The following MAD1L1 variants were observed in gnomAD, a reference collection of about 807,000 sequenced individuals.
The protein encoded by MAD1L1 is mitotic arrest deficient 1 like 1, also known as mitotic spindle assembly checkpoint protein MAD1.
A neutral mutation model predicts 96.9 loss-of-function variants in MAD1L1; 95 were observed. The observed-to-expected ratio is 0.98, with a 90% CI of 0.83 to 1.16. The LOEUF is 1.16. MAD1L1 is among the 50% of genes most tolerant of loss of function. The pLI is 0.00. For missense variants in MAD1L1, 1,007 were observed against 954.4 expected (o/e 1.06, Z -0.73); for synonymous variants, 473 against 396.6 (o/e 1.19, Z -2.29).
intron 13 of MAD1L1, among the ~76,000 whole-genome samples, chr7:2,006,886 A>C (rs1356821535): frequency 6.6e-6 from 1 of 151,690 alleles, no homozygotes; most frequent in Non-Finnish European, 1.5e-5. Context: ...GCACAGACAC[A>C]CCCCCCACCT....
At chr7:1,928,015 G>A (rs886875467) in intron 17 of MAD1L1, among the ~76,000 whole-genome samples, 14 of 152,192 alleles carry the variant, frequency 9.2e-5, no homozygotes, top group Non-Finnish European at 1.5e-4. Flanking sequence ...CCAGACAGTG[G>A]AGAGCCACCA....
intron 16 of MAD1L1, 27 bp downstream of exon 16, chr7:1,957,602 C>T: frequency 1.2e-6 from 2 of 1,610,784 alleles, no homozygotes; most frequent in Non-Finnish European, 1.7e-6. Flanking sequence ...CAGGCAGTGC[C>T]TCACCCAGAG....
In MAD1L1 at chr7:2,112,332, A is replaced by C. The variant is rs568041113; in HGVS notation, c.1073+36820T>G. On this transcript the variant is annotated intron_variant, in intron 11 of 18. Transcript: ENST00000265854. The stretch of plus-strand genomic sequence containing the variant: ...TAATCAACCAGAATGAAAAAGACTC[A>C]AAATGAAACACCAGCTCTAAGCGGT... Among the ~76,000 whole-genome samples the C allele has an allele frequency of 2.0e-5, 3 of 152,332 alleles. No individual in the cohort carries two copies. The East Asian group carries it at 5.8e-4, about 29-fold the overall frequency.
At chr7:2,144,904 C>G (rs1394772681) in intron 11 of MAD1L1, among the ~76,000 whole-genome samples, 1 of 152,162 alleles carries the variant, frequency 6.6e-6, no homozygotes, top group Non-Finnish European at 1.5e-5. Flanking sequence ...GGTAAAGAGG[C>G]CCAGGATCTC....
At position 2,216,003 on chromosome 7, in the gene MAD1L1, G is replaced by A. The variant is rs372019514; in HGVS notation, c.810-4C>T. The A allele has an allele frequency of 5.0e-6, 8 of 1,613,742 alleles. No homozygotes were observed. The South Asian group carries it at 8.8e-5, about 18-fold the overall frequency. On this transcript the variant is annotated splice_region_variant and splice_polypyrimidine_tract_variant and intron_variant, in intron 8 of 18. Transcript: ENST00000265854. ...CCCGTTGGTCTCTCTCATCTCCCTG[G>A]CAGTGCCACAAAGAGTCGCTCAAAT...
At chr7:2,218,449 C>G (rs1639915) in intron 6 of MAD1L1, among the ~76,000 whole-genome samples, 103,337 of 152,140 alleles carry the variant, frequency 0.68, 36,066 homozygotes, top group African/African-American at 0.83. Context: ...CTCCTAAAAC[C>G]ACATCTGCTG....
chr7:2,173,792 G>C (rs573313276), intron 10 of MAD1L1, among the ~76,000 whole-genome samples: 6 of 152,170 alleles, frequency 3.9e-5, no homozygotes, highest in Middle Eastern at 3.2e-3. Context: ...TCTGAAAAAA[G>C]ATTTGAGGGA....
intron 17 of MAD1L1, among the ~76,000 whole-genome samples, chr7:1,910,380 CCAG>C (rs1185954097): frequency 6.6e-6 from 1 of 152,224 alleles, no homozygotes; most frequent in Non-Finnish European, 1.5e-5. Flanking sequence ...CGGTCTCTGG[CCAG>C]CAACAGGACT....
intron 17 of MAD1L1, among the ~76,000 whole-genome samples, chr7:1,924,534 G>C (rs1788988036): frequency 6.6e-6 from 1 of 152,178 alleles, no homozygotes; most frequent in South Asian, 2.1e-4. Flanking sequence ...CCCACATCCA[G>C]CAATGGTATC....
chr7:2,111,043 A>G (rs1227880759), intron 11 of MAD1L1, among the ~76,000 whole-genome samples: 1 of 152,220 alleles, frequency 6.6e-6, no homozygotes, highest in African/African-American at 2.4e-5. Flanking sequence ...AGCAGGGTAC[A>G]AAGAGCAGAA....
intron 12 of MAD1L1, among the ~76,000 whole-genome samples, chr7:2,038,423 AGAG>A (rs1334905317): frequency 6.6e-6 from 1 of 151,078 alleles, no homozygotes; most frequent in African/African-American, 2.4e-5. Context: ...TTACAGTTAC[AGAG>A]GAGAAGTCGA....
At chr7:1,913,928 T>C (rs1264856291) in intron 17 of MAD1L1, among the ~76,000 whole-genome samples, 1 of 152,004 alleles carries the variant, frequency 6.6e-6, no homozygotes, top group Non-Finnish European at 1.5e-5. Context: ...GAGTCCTGGG[T>C]GGCCACGCTG....
chr7:2,201,317 A>G (rs887782836), intron 10 of MAD1L1, among the ~76,000 whole-genome samples: 2 of 151,940 alleles, frequency 1.3e-5, no homozygotes, highest in African/African-American at 4.8e-5. Context: ...TCCCCCTCCT[A>G]CCAGCCCTGT....
chr7:2,060,804 G>C (rs1784630525), intron 12 of MAD1L1, among the ~76,000 whole-genome samples: 1 of 152,188 alleles, frequency 6.6e-6, no homozygotes, highest in African/African-American at 2.4e-5. Context: ...ACAATAAAGT[G>C]TTTAGAAGAA....
At chr7:2,216,451 C>T (rs1180450510) in intron 7 of MAD1L1, among the ~76,000 whole-genome samples, 164 bp from the exon 8 acceptor site, 1 of 152,208 alleles carries the variant, frequency 6.6e-6, no homozygotes, top group Non-Finnish European at 1.5e-5. Flanking sequence ...TTGTCAAGGG[C>T]TCAGAAGGAG....
rs547518212 is a variant in MAD1L1 at position 2,142,868 on chromosome 7, T to A, written c.1073+6284A>T. The stretch of plus-strand genomic sequence containing the variant: ...CAGGCCAGAACTGGCCATCCCGATG[T>A]GCTCTCTCACCCACACTGATCCACG... On this transcript the variant is annotated intron_variant, in intron 11 of 18. Transcript: ENST00000265854. This position sits in a 1 kb window ranked among gnomAD's most constrained non-coding sequence, Gnocchi z 4.7. Among the ~76,000 whole-genome samples, 1 of 152,196 alleles carries A rather than the reference T, an allele frequency of 6.6e-6. No individual in the cohort carries two copies. The highest frequency in any genetic ancestry group is 1.5e-5 in the Non-Finnish European group (1 of 68,032).
intron 18 of MAD1L1, among the ~76,000 whole-genome samples, chr7:1,825,879 G>A (rs147967990): frequency 2.3e-3 from 357 of 152,102 alleles, no homozygotes; most frequent in Admixed American, 4.3e-3. Context: ...CCAGCCCTGG[G>A]ATGAGCACAG....
intron 11 of MAD1L1, among the ~76,000 whole-genome samples, chr7:2,082,981 C>T (rs939068500): frequency 2.0e-5 from 3 of 152,214 alleles, no homozygotes; most frequent in South Asian, 2.1e-4. Flanking sequence ...TGCTGTCTCT[C>T]GCGCTGCAGG....
intron 14 of MAD1L1, among the ~76,000 whole-genome samples, chr7:1,998,955 C>T (rs187617478): frequency 2.6e-5 from 4 of 151,118 alleles, no homozygotes; most frequent in Non-Finnish European, 5.9e-5. Context: ...TCCCCTAACC[C>T]CACTCACTGC....
Sources: gnomAD v4.1 joint callset for allele counts (sites outside exome capture counted in the v4.1 genomes callset) on GRCh38, gnomAD v4.1.1 for gene constraint, Gnocchi (gnomAD v3.1) non-coding constraint, MANE v1.5 for transcripts, NCBI Gene and HGNC (gene_info 2026-07-23, HGNC 2026-07-21) for gene names.